The following ATG5 variants were observed in gnomAD, a reference collection of about 807,000 sequenced individuals.
The protein encoded by ATG5 is autophagy protein 5.
ATG5 carries 14 observed loss-of-function variants against 36.5 expected under a neutral mutation model. The observed-to-expected ratio is 0.38, with a 90% CI of 0.25 to 0.60. The LOEUF (loss-of-function observed/expected upper bound fraction) is 0.60. Ranked by LOEUF, ATG5 falls within the 20% of genes least tolerant of loss-of-function variation. ATG5 has a pLI of 0.60. For missense variants in ATG5, 195 were observed against 326.7 expected (o/e 0.60, Z 3.11); for synonymous variants, 95 against 101.5 (o/e 0.94, Z 0.38).
At chr6:106,292,771 A>C (rs1437547530) in intron 4 of ATG5, among the ~76,000 whole-genome samples, 1 of 152,180 alleles carries the variant, frequency 6.6e-6, no homozygotes, top group Non-Finnish European at 1.5e-5. Context: ...AGGCTGGCCC[A>C]AAAACTCGTA....
chr6:106,280,293 A>G (rs1191338014), intron 4 of ATG5, among the ~76,000 whole-genome samples: 4 of 151,792 alleles, frequency 2.6e-5, no homozygotes, highest in African/African-American at 7.2e-5. Flanking sequence ...AAAAAAAAGA[A>G]AGAAAAGAAA....
intron 3 of ATG5, among the ~76,000 whole-genome samples, chr6:106,294,679 CAA>C (rs202015782): frequency 4.0e-5 from 5 of 124,188 alleles, no homozygotes; most frequent in Non-Finnish European, 8.8e-5. Context: ...CCCAAAAATA[CAA>C]AAAAAAAAAA....
At chr6:106,264,457 C>G (rs1348896027) in intron 5 of ATG5, among the ~76,000 whole-genome samples, 1 of 152,158 alleles carries the variant, frequency 6.6e-6, no homozygotes, top group African/African-American at 2.4e-5. Context: ...CCAAGCAAGA[C>G]AGGCCAACAT....
intron 6 of ATG5, among the ~76,000 whole-genome samples, chr6:106,231,147 C>A (rs1019750143): frequency 6.6e-6 from 1 of 152,116 alleles, no homozygotes; most frequent in African/African-American, 2.4e-5. Flanking sequence ...TTCGGCCCAG[C>A]CAGAGTGCAC....
intron 4 of ATG5, among the ~76,000 whole-genome samples, chr6:106,291,949 T>C (rs1040863380): frequency 1.3e-4 from 20 of 152,278 alleles, no homozygotes; most frequent in Non-Finnish European, 2.2e-4. Context: ...AAACTCAAAT[T>C]CAGTAAAACA....
At chr6:106,252,077 G>A (rs1483993353) in intron 5 of ATG5, among the ~76,000 whole-genome samples, 2 of 152,150 alleles carry the variant, frequency 1.3e-5, no homozygotes, top group Non-Finnish European at 2.9e-5. Context: ...CTGACCTCAA[G>A]TGATCCATCT....
Position 106,251,098 on chromosome 6 carries a change from C to T in ATG5, c.479-2854G>A, listed in dbSNP as rs1442894305. Among the ~76,000 whole-genome samples the T allele has an allele frequency of 4.6e-5, 7 of 152,318 alleles. 1 individual carries two copies. Among genetic ancestry groups the T allele is most frequent in the Admixed American group, 2.6e-4 (4 of 15,302 alleles). On this transcript the variant is annotated intron_variant, in intron 5 of 7. Coordinates refer to ENST00000369076, the MANE Select transcript of ATG5 (RefSeq NM_004849.4). ...CTGCTTGCATAGGCACACTAATGGG[C>T]GCTTGCCCTTATCAACATCTCAATT...
intron 1 of ATG5, among the ~76,000 whole-genome samples, chr6:106,322,943 G>A (rs1275965577): frequency 4.0e-5 from 6 of 151,462 alleles, no homozygotes; most frequent in South Asian, 4.2e-4. Flanking sequence ...ATTTTGAGAC[G>A]GGGTCTCGCT....
At chr6:106,223,845 C>T (rs994796067) in intron 6 of ATG5, among the ~76,000 whole-genome samples, 1 of 152,220 alleles carries the variant, frequency 6.6e-6, no homozygotes, top group African/African-American at 2.4e-5. Flanking sequence ...CTACTGTTGG[C>T]TCTGCCATCA....
At chr6:106,190,763 T>TA (rs1232541756) in intron 7 of ATG5, among the ~76,000 whole-genome samples, 1 of 151,408 alleles carries the variant, frequency 6.6e-6, no homozygotes, top group Non-Finnish European at 1.5e-5. Flanking sequence ...GAAGAAAAAA[T>TA]AAAAATCACA....
At chr6:106,293,658 A>G (rs1254393940) in intron 3 of ATG5, among the ~76,000 whole-genome samples, 1 of 152,216 alleles carries the variant, frequency 6.6e-6, no homozygotes, top group Non-Finnish European at 1.5e-5. Context: ...CTTTTTTCAC[A>G]TAATATAATG....
chr6:106,236,490 C>T (rs1336474603), intron 6 of ATG5, among the ~76,000 whole-genome samples: 3 of 152,126 alleles, frequency 2.0e-5, no homozygotes, highest in African/African-American at 4.8e-5. Context: ...CTTTTTACTA[C>T]TTTGTTAATC....
intron 7 of ATG5, among the ~76,000 whole-genome samples, chr6:106,195,346 C>T (rs139829517): frequency 6.6e-5 from 10 of 152,236 alleles, no homozygotes; most frequent in East Asian, 1.9e-4. Context: ...TAAAGTCTTT[C>T]GCTTTCAACT....
intron 3 of ATG5, among the ~76,000 whole-genome samples, chr6:106,301,165 GAAGA>G (rs1770190661): frequency 6.6e-6 from 1 of 152,014 alleles, no homozygotes; most frequent in African/African-American, 2.4e-5. Flanking sequence ...ATCTCAGTCT[GAAGA>G]AAGAGACTCT....
In ATG5 at chr6:106,299,716, G is replaced by A. The variant is rs77441653; in HGVS notation, c.237-6610C>T. On this transcript the variant is annotated intron_variant, in intron 3 of 7. Coordinates refer to ENST00000369076, the MANE Select transcript of ATG5 (RefSeq NM_004849.4). Reference sequence around the variant, plus strand: ...TGTGTGCACATTGGCACATGGTGTAGCAATAATGGATATTCTCAGAAGGGA... The same window carrying A: ...TGTGTGCACATTGGCACATGGTGTAACAATAATGGATATTCTCAGAAGGGA... Among the ~76,000 whole-genome samples the A allele has an allele frequency of 1.7e-3, 252 of 152,296 alleles. 5 individuals are homozygous for A. The East Asian group carries it at 0.041, about 25-fold the overall frequency.
At position 106,232,171 on chromosome 6, in the gene ATG5, T is replaced by A. The variant is rs894612896; in HGVS notation, c.573+15979A>T. ...ACCCTCACAGAGCCCTGGGTATGCT[T>A]GACCATTGACGGCCAGGAGGCTAAC... is the stretch of plus-strand genomic sequence containing the variant. On this transcript the variant is annotated intron_variant, in intron 6 of 7. Coordinates refer to ENST00000369076, the MANE Select transcript of ATG5 (RefSeq NM_004849.4). 2.6e-5 allele frequency among the ~76,000 whole-genome samples: 4 copies of A among 152,240 alleles called. No homozygotes were observed. In the East Asian group the frequency reaches 7.7e-4, roughly 29 times the overall value.
intron 5 of ATG5, among the ~76,000 whole-genome samples, chr6:106,264,576 A>C (rs551616617): frequency 2.0e-5 from 3 of 152,208 alleles, no homozygotes; most frequent in Non-Finnish European, 4.4e-5. Context: ...AAAAAATGTT[A>C]AGGGCAGCCA....
chr6:106,297,743 C>CAG (rs1444858461), intron 3 of ATG5, among the ~76,000 whole-genome samples: 1 of 147,316 alleles, frequency 6.8e-6, no homozygotes, highest in East Asian at 2.0e-4. Flanking sequence ...CACACACACA[C>CAG]ACACACACAC....
At chr6:106,262,623 C>A (rs985001605) in intron 5 of ATG5, among the ~76,000 whole-genome samples, 1 of 151,988 alleles carries the variant, frequency 6.6e-6, no homozygotes, top group Non-Finnish European at 1.5e-5. Context: ...ACACAGAAGG[C>A]GGCAGGTGAT....
Sources: allele counts gnomAD v4.1 joint callset (sites outside exome capture counted in the v4.1 genomes callset), GRCh38; gene constraint gnomAD v4.1.1; transcripts MANE v1.5; gene names NCBI Gene and HGNC (gene_info 2026-07-23, HGNC 2026-07-21).